The following GRIA1 variants were observed in gnomAD, a reference collection of about 807,000 sequenced individuals.
GRIA1 encodes glutamate receptor 1.
In GRIA1, 31 loss-of-function variants were observed where a neutral mutation model predicts 99.2. The ratio of observed to expected loss-of-function variants is 0.31; its 90% CI spans 0.23 to 0.42. GRIA1 has a LOEUF of 0.42. GRIA1 is among the 10% of genes least tolerant of loss of function. The pLI, the probability that GRIA1 is intolerant of heterozygous loss-of-function variation, is 1.00. For synonymous variants in GRIA1, 438 were observed against 432.4 expected (o/e 1.01, Z -0.16); for missense variants, 782 against 1,157.5 (o/e 0.68, Z 4.71).
At chr5:153,520,533 A>C (rs957550777) in intron 2 of GRIA1, among the ~76,000 whole-genome samples, 1 of 152,198 alleles carries the variant, frequency 6.6e-6, no homozygotes, top group Non-Finnish European at 1.5e-5. Flanking sequence ...ATAAATGAGG[A>C]CATCATTAAA....
chr5:153,509,096 A>G (rs2113296873), intron 2 of GRIA1, among the ~76,000 whole-genome samples: 1 of 152,226 alleles, frequency 6.6e-6, no homozygotes, highest in South Asian at 2.1e-4. Flanking sequence ...CAGAAAACAC[A>G]CTCTGTCTTC....
chr5:153,611,859 C>T (rs1383491770), intron 2 of GRIA1, among the ~76,000 whole-genome samples: 3 of 152,200 alleles, frequency 2.0e-5, no homozygotes, highest in Non-Finnish European at 2.9e-5. Flanking sequence ...TTATGTTTTC[C>T]GCCTGGCCTT....
intron 2 of GRIA1, among the ~76,000 whole-genome samples, chr5:153,624,125 A>G (rs897201577): frequency 6.6e-6 from 1 of 152,180 alleles, no homozygotes; most frequent in Non-Finnish European, 1.5e-5. Flanking sequence ...ATTTAACCGT[A>G]ATAAGCACTC....
In GRIA1 at chr5:153,812,637, A is replaced by G. The variant is rs946242023; in HGVS notation, c.*1412A>G. 3.9e-5 allele frequency: 6 copies of G among 152,354 alleles called. No individual in the cohort carries two copies. The highest frequency in any genetic ancestry group is 1.2e-4 in the African/African-American group (5 of 41,594). 9.4% of individuals were successfully genotyped at this position (152,354 alleles called of 1,614,324 possible). On this transcript the variant is annotated 3_prime_UTR_variant, in exon 16 of 16. Transcript: ENST00000285900. ...TTCCCCCAGCTAAGATAGCATGAGG[A>G]CGTTGTATTCCAATATACGTATGAT...
intron 2 of GRIA1, among the ~76,000 whole-genome samples, chr5:153,567,381 T>C (rs1482712007): frequency 6.6e-6 from 1 of 152,192 alleles, no homozygotes; most frequent in Non-Finnish European, 1.5e-5. Context: ...GAGGCGTGTG[T>C]CCAGGGTGGG....
intron 2 of GRIA1, among the ~76,000 whole-genome samples, chr5:153,593,008 G>A (rs1171531662): frequency 6.6e-6 from 1 of 152,200 alleles, no homozygotes; most frequent in Non-Finnish European, 1.5e-5. Flanking sequence ...GCTCACACCT[G>A]TGATCCCAGC....
intron 2 of GRIA1, among the ~76,000 whole-genome samples, chr5:153,629,224 C>G (rs1341121478): frequency 6.6e-6 from 1 of 152,170 alleles, no homozygotes. Context: ...TCTTCCCTCC[C>G]CCTTCCTCCC....
intron 11 of GRIA1, among the ~76,000 whole-genome samples, chr5:153,759,309 C>T (rs1036503445): frequency 2.0e-5 from 3 of 151,476 alleles, no homozygotes; most frequent in African/African-American, 7.3e-5. Flanking sequence ...AACTGACGAA[C>T]CTTTAGCAAG....
rs182166236 is a variant in GRIA1 at position 153,590,281 on chromosome 5, G to A, written c.221-56647G>A. On this transcript the variant is annotated intron_variant, in intron 2 of 15. Coordinates refer to ENST00000285900, the MANE Select transcript of GRIA1 (RefSeq NM_000827.4). ...GCCTCCAAGAAAGTGTTGCATTATG[G>A]CCAAGCTTTATTATACCAAGTTCAC... 2.0e-5 allele frequency among the ~76,000 whole-genome samples: 3 copies of A among 152,194 alleles called. No individual in the cohort carries two copies. In the East Asian group the frequency reaches 5.8e-4, roughly 29 times the overall value.
intron 11 of GRIA1, among the ~76,000 whole-genome samples, chr5:153,708,263 G>T (rs547236070): frequency 6.6e-6 from 1 of 152,084 alleles, no homozygotes; most frequent in Non-Finnish European, 1.5e-5. Context: ...ACAGGTCCGC[G>T]CATTCACGGT....
intron 2 of GRIA1, among the ~76,000 whole-genome samples, chr5:153,565,144 T>A (rs1425177963): frequency 2.6e-5 from 4 of 152,214 alleles, no homozygotes; most frequent in African/African-American, 9.6e-5. Flanking sequence ...GGAGCTGTTA[T>A]TTACTCTCAT....
chr5:153,773,162 C>T (rs898017496), intron 13 of GRIA1, among the ~76,000 whole-genome samples: 1 of 152,200 alleles, frequency 6.6e-6, no homozygotes, highest in Non-Finnish European at 1.5e-5. Context: ...TCTCTTATAA[C>T]CCTTGCAACA....
chr5:153,751,504 CT>C (rs1762511311), intron 11 of GRIA1, among the ~76,000 whole-genome samples: 1 of 152,224 alleles, frequency 6.6e-6, no homozygotes, highest in Non-Finnish European at 1.5e-5. Flanking sequence ...CAGCCATGCA[CT>C]TGCGCTTACA....
At chr5:153,587,796 C>A (rs914056214) in intron 2 of GRIA1, among the ~76,000 whole-genome samples, 2 of 152,216 alleles carry the variant, frequency 1.3e-5, no homozygotes, top group African/African-American at 4.8e-5. Flanking sequence ...GACTCCTACA[C>A]TCACAGATCC....
chr5:153,637,933 G>C (rs1753497734), intron 2 of GRIA1, among the ~76,000 whole-genome samples: 1 of 152,154 alleles, frequency 6.6e-6, no homozygotes, highest in Non-Finnish European at 1.5e-5. Context: ...TGAGGATTTG[G>C]AGAGCCTCTT....
At chr5:153,572,876 C>T (rs924527710) in intron 2 of GRIA1, among the ~76,000 whole-genome samples, 4 of 152,118 alleles carry the variant, frequency 2.6e-5, no homozygotes, top group African/African-American at 7.2e-5. Context: ...TCTATTGTGG[C>T]GTTGGCATGG....
At chr5:153,599,037 A>G (rs1764663638) in intron 2 of GRIA1, among the ~76,000 whole-genome samples, 1 of 151,974 alleles carries the variant, frequency 6.6e-6, no homozygotes, top group Admixed American at 6.5e-5. Flanking sequence ...GCCCGCCACC[A>G]CGCCTGGCTA....
intron 2 of GRIA1, among the ~76,000 whole-genome samples, chr5:153,555,853 T>C (rs913525373): frequency 6.6e-6 from 1 of 152,210 alleles, no homozygotes; most frequent in Non-Finnish European, 1.5e-5. Flanking sequence ...AAAATTGTCC[T>C]GACAGCTAAA....
At chr5:153,559,174 G>C (rs982133273) in intron 2 of GRIA1, among the ~76,000 whole-genome samples, 30 of 152,068 alleles carry the variant, frequency 2.0e-4, no homozygotes, top group African/African-American at 7.2e-4. Flanking sequence ...AGCCCCTTTG[G>C]AGCTCTGATT....
Sources: gnomAD v4.1 joint callset for allele counts (sites outside exome capture counted in the v4.1 genomes callset) on GRCh38, gnomAD v4.1.1 for gene constraint, MANE v1.5 for transcripts, NCBI Gene and HGNC (gene_info 2026-07-23, HGNC 2026-07-21) for gene names.